The following RC3H2 variants were observed in gnomAD, a reference collection of about 807,000 sequenced individuals.
RC3H2 encodes the protein roquin-2.
Under a neutral mutation model 133.3 loss-of-function variants are expected in RC3H2, and 31 were observed. That is an observed-to-expected ratio of 0.23 (90% CI 0.17 to 0.31). The LOEUF is 0.31. RC3H2 is among the 10% of genes least tolerant of loss of function. The pLI, the probability that RC3H2 is intolerant of heterozygous loss-of-function variation, is 1.00. For synonymous variants in RC3H2, 517 were observed against 502.2 expected, an observed-to-expected ratio of 1.03 and a Z score of -0.40; for missense variants, 1,175 against 1,437.2, an observed-to-expected ratio of 0.82 and a Z score of 2.95.
intron 18 of RC3H2, 25 bp from the exon 19 acceptor site, chr9:122,851,461 T>C: frequency 6.3e-7 from 1 of 1,598,990 alleles, no homozygotes; most frequent in Non-Finnish European, 8.5e-7. Context: ...GATTTTGCTC[T>C]CCCTCTCCCT....
intron 1 of RC3H2, among the ~76,000 whole-genome samples, chr9:122,904,051 T>C (rs1832750414): frequency 6.6e-6 from 1 of 152,198 alleles, no homozygotes; most frequent in South Asian, 2.1e-4. Flanking sequence ...ACGTTAGCTT[T>C]CTCAGGTTAA....
At chr9:122,868,887 G>A (rs1454639929) in intron 9 of RC3H2, among the ~76,000 whole-genome samples, 5 of 10,076 alleles carry the variant, frequency 5.0e-4, no homozygotes, top group Admixed American at 3.3e-3. Flanking sequence ...GTGTGTGTGT[G>A]TGTATGTGTT....
chr9:122,897,167 T>C, intron 2 of RC3H2, 112 bp downstream of exon 2: 1 of 856,188 alleles, frequency 1.2e-6, no homozygotes, highest in South Asian at 1.8e-5. Flanking sequence ...TTGGGCCGCA[T>C]TCAAAGATGT....
chr9:122,878,430 C>T (rs527751153), intron 8 of RC3H2, among the ~76,000 whole-genome samples: 7 of 152,074 alleles, frequency 4.6e-5, no homozygotes, highest in African/African-American at 1.4e-4. Flanking sequence ...GCCACCACGC[C>T]CGGCTAATTT....
intron 2 of RC3H2, among the ~76,000 whole-genome samples, chr9:122,894,169 G>A (rs1227605095): frequency 1.3e-5 from 2 of 151,860 alleles, no homozygotes; most frequent in African/African-American, 4.8e-5. Flanking sequence ...TGAGGCAGGA[G>A]AATGCCGTGA....
At chr9:122,852,298 C>A (rs1830063007) in intron 18 of RC3H2, among the ~76,000 whole-genome samples, 3 of 150,800 alleles carry the variant, frequency 2.0e-5, no homozygotes, top group Non-Finnish European at 4.4e-5. Context: ...CCTCTCCGCC[C>A]GGCAGCCGCC....
rs1318682311 is a variant in RC3H2, at chr9:122,868,886, TGTGTATGTG to T, written c.1326-3238_1326-3230del. Among the ~76,000 whole-genome samples the T allele has an allele frequency of 9.7e-3, 173 of 17,774 alleles. 2 individuals carry two copies. The highest frequency in any genetic ancestry group is 0.018 in the Non-Finnish European group (88 of 4,828). The allele number at this position is 17,774 out of a possible 152,430, so 11.7% of individuals were successfully genotyped here. A position where few individuals can be genotyped will look rare whatever the true frequency, so the allele number is the denominator to read the frequency against. On this transcript the variant is annotated intron_variant, in intron 9 of 20. Coordinates refer to ENST00000357244, the MANE Select transcript of RC3H2 (RefSeq NM_001100588.3). ...GTGTGTGTGTGTGTGTGTGTGTGTG[TGTGTATGTG>T]TTTTTTTTTTTTTTTTTTGTGGGGG...
rs769013134 is a variant in RC3H2, at chr9:122,859,064, C to G, written c.1888G>C (p.Ala630Pro). The G allele has an allele frequency of 2.9e-5, 46 of 1,602,578 alleles. No homozygotes were observed. Among genetic ancestry groups the G allele is most frequent in the Non-Finnish European group, 3.8e-5 (44 of 1,172,686 alleles). Residue 630 changes from alanine (A) to proline (P), a missense_variant, in exon 12 of 21, where the codon GCT (alanine) becomes CCT (proline). By Grantham distance (27) the Ala-to-Pro change is conservative. Around this residue, in one of 8 missense-constraint regions of RC3H2, gnomAD observed 490 missense variants for 492.8 expected, o/e 0.99. Transcript: ENST00000357244. ...CTCACAAAGCGAGGAACACAGGGAG[C>G]CACACCAGCTGGTACCGTTGGAGGT... ...PPPPTVPAGV[A>P]PCVPRFVRSN... is the part of the protein sequence containing the mutation.
rs1001879309 is a variant in RC3H2, at chr9:122,854,253, C to A, written c.2914G>T (p.Val972Phe). 1 of 1,612,258 alleles carries A rather than the reference C, an allele frequency of 6.2e-7. No homozygotes were observed. The highest frequency in any genetic ancestry group is 1.3e-5 in the African/African-American group (1 of 74,884). The change falls in exon 17 of 21, where the codon GTT (valine) becomes TTT (phenylalanine). Residue 972 changes from valine (V) to phenylalanine (F), a missense_variant. Around this residue, in one of 8 missense-constraint regions of RC3H2, gnomAD observed 138 missense variants for 215.0 expected, o/e 0.64. Coordinates refer to ENST00000357244, the MANE Select transcript of RC3H2 (RefSeq NM_001100588.3). ...TTTCTATGACCAGATAAATCAGTAA[C>A]AATGAATCTGTCCCTTTAAAGAGAA... is the stretch of plus-strand genomic sequence containing the variant. ...AHYVERDRFI[V>F]TDLSGHRKHS...
chr9:122,863,770 C>T (rs1046750471), intron 10 of RC3H2, among the ~76,000 whole-genome samples: 2 of 151,884 alleles, frequency 1.3e-5, no homozygotes, highest in East Asian at 3.9e-4. Flanking sequence ...GAGTCTCACT[C>T]TTGTTGCCCA....
At chr9:122,851,026 TTC>T in intron 20 of RC3H2, 53 bp downstream of exon 20, 2 of 1,583,632 alleles carry the variant, frequency 1.3e-6, no homozygotes, top group South Asian at 1.1e-5. Flanking sequence ...TCGCATTTTT[TTC>T]TCTTTATTAT....
intron 9 of RC3H2, chr9:122,873,773 TATA>T (rs1299469529): frequency 6.6e-6 from 1 of 152,128 alleles, no homozygotes; most frequent in Non-Finnish European, 1.5e-5. Flanking sequence ...AATAAACAAT[TATA>T]ATACTGTAGT....
chr9:122,857,573 T>G (rs1487397680), intron 13 of RC3H2, among the ~76,000 whole-genome samples: 1 of 152,204 alleles, frequency 6.6e-6, no homozygotes, highest in East Asian at 1.9e-4. Context: ...CCTAAGGTTT[T>G]TGTGAGAATT....
In RC3H2 at chr9:122,865,500, C is replaced by T. The variant is rs767001390; in HGVS notation, c.1483G>A (p.Gly495Arg). 15 of 1,614,014 alleles carry T rather than the reference C, an allele frequency of 9.3e-6. No individual in the cohort carries two copies. Among genetic ancestry groups the T allele is most frequent in the African/African-American group, 8.0e-5 (6 of 74,902 alleles). ...ACACTGTTTTCTGCATTTGAAATTC[C>T]GTTTGTACTTGGAACAATTTTCCCT... ...TTGKIVPSTN[G>R]ISNAENSVSQ... The change falls in exon 10 of 21, where the codon GGA (glycine) becomes AGA (arginine). Residue 495 changes from glycine (G) to arginine (R), a missense_variant. Physicochemically the swap from Gly to Arg is moderately radical, Grantham distance 125. Transcript: ENST00000357244.
intron 5 of RC3H2, 97 bp downstream of exon 5, chr9:122,883,106 AT>A: frequency 1.8e-6 from 2 of 1,114,272 alleles, no homozygotes; most frequent in Non-Finnish European, 2.6e-6. Flanking sequence ...TCTTGTAAGC[AT>A]TCTGCATTGC....
Position 122,857,995 on chromosome 9 carries a change from A to G in RC3H2, c.2382T>C (p.Ser794=). ...ACTGTGTTGCCACAGGAAGAGTTGA[A>G]GAGACAAGAGGTGCTTTCTGAGTGT... ...QYHTQKAPLV[S]STLPVATQSP... Residue 794 remains serine, a synonymous_variant, in exon 13 of 21, where the codon TCT becomes TCC. Transcript: ENST00000357244. The G allele has an allele frequency of 6.2e-7, 1 of 1,614,010 alleles. No individual in the cohort carries two copies. Among genetic ancestry groups the G allele is most frequent in the Non-Finnish European group, 8.5e-7 (1 of 1,179,830 alleles).
intron 1 of RC3H2, among the ~76,000 whole-genome samples, chr9:122,902,015 C>T (rs1395134491): frequency 4.6e-5 from 7 of 151,294 alleles, no homozygotes; most frequent in Middle Eastern, 3.4e-3. Context: ...CTGCAACCTC[C>T]GTCTCCCGGG....
chr9:122,905,076 G>A, intron 1 of RC3H2, 34 bp downstream of exon 1: 2 of 985,062 alleles, frequency 2.0e-6, no homozygotes, highest in Non-Finnish European at 2.4e-6. Flanking sequence ...CCCGGGCTGG[G>A]GCCCGAGCCG....
At position 122,865,263 on chromosome 9, in the gene RC3H2, C is replaced by T. The variant is rs570450303; in HGVS notation, c.1634+86G>A. 5.5e-5 allele frequency: 62 copies of T among 1,129,616 alleles called. No homozygotes were observed. The African/African-American group carries it at 5.9e-4, about 11-fold the overall frequency. The allele number at this position is 1,129,616 out of a possible 1,614,324, so 70.0% of individuals were successfully genotyped here. ...ATTCTGCATAAAAATTCTGATTAAC[C>T]GGTATTCATCAGCAGAAATAAAAAC... On this transcript the variant is annotated intron_variant, in intron 10 of 20. Coordinates refer to ENST00000357244, the MANE Select transcript of RC3H2 (RefSeq NM_001100588.3).
Sources: gnomAD v4.1 joint callset for allele counts (sites outside exome capture counted in the v4.1 genomes callset) on GRCh38, gnomAD v4.1.1 for gene constraint, gnomAD v4.1.1 regional missense constraint, MANE v1.5 for transcripts, NCBI Gene and HGNC (gene_info 2026-07-23, HGNC 2026-07-21) for gene names.